RANBP2: variants seen among roughly 807,000 people sequenced by gnomAD.
RANBP2 encodes the protein RAN binding protein 2.
RANBP2 carries 57 observed loss-of-function variants against 303.6 expected under a neutral mutation model. The ratio of observed to expected loss-of-function variants is 0.19; its 90% CI spans 0.15 to 0.23. RANBP2 has a LOEUF of 0.23. RANBP2 is among the 10% of genes least tolerant of loss of function. The pLI is 1.00. For missense variants in RANBP2, 3,138 were observed against 3,780.8 expected (o/e 0.83, Z 4.46); for synonymous variants, 1,167 against 1,301.5 (o/e 0.90, Z 2.23).
the RANBP2 span, among the ~76,000 whole-genome samples, chr2:109,572,640 G>C: frequency 1.1e-3 from 144 of 133,660 alleles, no homozygotes; most frequent in Non-Finnish European, 1.9e-3. Context: ...TTTTTGAGAC[G>C]GAGTCTCGCT....
At chr2:109,180,586 C>T in the RANBP2 span, among the ~76,000 whole-genome samples, 1 of 152,162 alleles carries the variant, frequency 6.6e-6, no homozygotes, top group Non-Finnish European at 1.5e-5. Context: ...TTCTCCCATA[C>T]TGTTCTTGTG....
rs550469648 is a variant in RANBP2 at position 108,719,666 on chromosome 2, G to A, written c.60G>A (p.Pro20=). The A allele has an allele frequency of 2.5e-5, 40 of 1,605,738 alleles. No homozygotes were observed. The South Asian group carries it at 3.6e-4, about 14-fold the overall frequency. The change falls in exon 1 of 29, where the codon CCG becomes CCA. Residue 20 remains proline, a synonymous_variant. Coordinates refer to ENST00000283195, the MANE Select transcript of RANBP2 (RefSeq NM_006267.5). The part of the protein sequence containing the change: ...RYIASVQGST[P]SPRQKSMKGF... ...TCGCCTCGGTGCAGGGCTCCACCCC[G>A]TCGCCTCGACAGGTGAGTGGGTCTC...
the RANBP2 span, among the ~76,000 whole-genome samples, chr2:109,208,077 TGTGCTGGGCACA>T: frequency 6.6e-6 from 1 of 151,504 alleles, no homozygotes; most frequent in Non-Finnish European, 1.5e-5. Context: ...ACGGAATGCC[TGTGCTGGGCACA>T]GTGCTGGGCC....
At chr2:108,896,957 C>T in the RANBP2 span, 1 of 1,613,622 alleles carries the variant, frequency 6.2e-7, no homozygotes, top group Non-Finnish European at 8.5e-7. Flanking sequence ...CCCGCCCACT[C>T]CAGTATGTCT....
the RANBP2 span, among the ~76,000 whole-genome samples, chr2:108,973,259 A>G: frequency 6.6e-6 from 1 of 152,212 alleles, no homozygotes; most frequent in African/African-American, 2.4e-5. Context: ...AAGTTCTGGG[A>G]TTACAGGCAT....
the RANBP2 span, among the ~76,000 whole-genome samples, chr2:109,506,358 A>G: frequency 6.6e-6 from 1 of 152,212 alleles, no homozygotes; most frequent in Non-Finnish European, 1.5e-5. Flanking sequence ...GTGAGCCAGG[A>G]GGGTGAGCAC....
chr2:108,963,033 AAAATCTGGTGGC>A, the RANBP2 span, among the ~76,000 whole-genome samples: 2 of 152,178 alleles, frequency 1.3e-5, no homozygotes, highest in Non-Finnish European at 2.9e-5. Flanking sequence ...TGAACTGAAC[AAAATCTGGTGGC>A]TCTGCGTCAC....
At chr2:108,910,427 A>G in the RANBP2 span, 1 of 1,580,758 alleles carries the variant, frequency 6.3e-7, no homozygotes, top group South Asian at 1.1e-5. Context: ...ACAGGACCCC[A>G]GCTTCAGCTT....
the RANBP2 span, among the ~76,000 whole-genome samples, chr2:109,692,940 T>G: frequency 1.3e-5 from 2 of 151,008 alleles, no homozygotes; most frequent in African/African-American, 4.9e-5. Flanking sequence ...TGCCTCAGCC[T>G]CCTGAGTAGC....
At chr2:109,185,688 T>C in the RANBP2 span, among the ~76,000 whole-genome samples, 1 of 152,196 alleles carries the variant, frequency 6.6e-6, no homozygotes, top group Admixed American at 6.5e-5. Flanking sequence ...CACATGGCTC[T>C]TGGTGGAAAA....
At chr2:109,264,356 T>G in the RANBP2 span, among the ~76,000 whole-genome samples, 1 of 151,412 alleles carries the variant, frequency 6.6e-6, no homozygotes, top group African/African-American at 2.4e-5. Flanking sequence ...ACTCCGAGTC[T>G]GTGGGTGCTC....
At chr2:109,102,488 T>A in the RANBP2 span, among the ~76,000 whole-genome samples, 7 of 152,228 alleles carry the variant, frequency 4.6e-5, no homozygotes, top group East Asian at 5.8e-4. Flanking sequence ...GCAGAATGTG[T>A]CTTAAAAGGA....
the RANBP2 span, among the ~76,000 whole-genome samples, chr2:109,152,932 T>C: frequency 2.0e-5 from 3 of 152,214 alleles, no homozygotes; most frequent in African/African-American, 7.2e-5. Context: ...ATCTCTGGGA[T>C]GAAAACTTCT....
At chr2:108,924,858 G>A in the RANBP2 span, among the ~76,000 whole-genome samples, 1 of 152,336 alleles carries the variant, frequency 6.6e-6, no homozygotes, top group African/African-American at 2.4e-5. Context: ...GCCAAGGCAG[G>A]TGTCTGCCAC....
the RANBP2 span, among the ~76,000 whole-genome samples, chr2:109,683,493 G>A: frequency 6.6e-6 from 1 of 152,096 alleles, no homozygotes; most frequent in South Asian, 2.1e-4. Flanking sequence ...ATGGGCAGGG[G>A]GTCTTAAGTA....
rs1676099667 is a variant in RANBP2 at position 108,753,869 on chromosome 2, T to C, written c.2100T>C (p.Ser700=). ...AAGACATTGAAAATGATGCCCTTTCTCCTGAAGAACAAGAAGAATGCAAAA... is the reference window on the plus strand; with the variant it reads ...AAGACATTGAAAATGATGCCCTTTCCCCTGAAGAACAAGAAGAATGCAAAA... ...KAEDIENDAL[S]PEEQEECKNY... Residue 700 remains serine (S), a synonymous_variant, in exon 15 of 29, where the codon TCT becomes TCC. Transcript: ENST00000283195. 1.9e-6 allele frequency: 3 copies of C among 1,612,030 alleles called. No individual in the cohort carries two copies. The African/African-American group carries it at 4.0e-5, about 21-fold the overall frequency.
At chr2:109,731,079 C>T in the RANBP2 span, among the ~76,000 whole-genome samples, 27,503 of 151,996 alleles carry the variant, frequency 0.18, 2,916 homozygotes, top group East Asian at 0.3. Context: ...TGAGCCACCG[C>T]GCCCGGCCAA....
At chr2:109,573,604 G>A in the RANBP2 span, among the ~76,000 whole-genome samples, 1 of 152,178 alleles carries the variant, frequency 6.6e-6, no homozygotes, top group Admixed American at 6.5e-5. Flanking sequence ...ACAGGTTTCT[G>A]CAGAGAAAGA....
the RANBP2 span, among the ~76,000 whole-genome samples, chr2:109,690,070 C>A: frequency 6.6e-6 from 1 of 152,070 alleles, no homozygotes; most frequent in South Asian, 2.1e-4. Flanking sequence ...AAACAGCTAC[C>A]CACCATGGTA....
Sources: gnomAD v4.1 joint callset for allele counts (sites outside exome capture counted in the v4.1 genomes callset) on GRCh38, gnomAD v4.1.1 for gene constraint, MANE v1.5 for transcripts, NCBI Gene and HGNC (gene_info 2026-07-23, HGNC 2026-07-21) for gene names.